Variants in KATNAL1 observed in about 807,000 individuals in gnomAD.
KATNAL1 encodes katanin p60 ATPase-containing subunit A-like 1.
KATNAL1 carries 32 observed loss-of-function variants against 55.2 expected under a neutral mutation model. The observed-to-expected ratio is 0.58, with a 90% CI of 0.44 to 0.78. The LOEUF (loss-of-function observed/expected upper bound fraction) is 0.78. Ranked by LOEUF, KATNAL1 falls within the 30% of genes least tolerant of loss-of-function variation. The probability of loss-of-function intolerance (pLI) is 0.00; values close to 1 mark genes in which losing one functional copy is unlikely to be tolerated. For missense variants in KATNAL1, 466 were observed against 600.9 expected, an observed-to-expected ratio of 0.78 and a Z score of 2.35; for synonymous variants, 193 against 193.6, an observed-to-expected ratio of 1.00 and a Z score of 0.02.
At chr13:30,288,900 G>T (rs913584174) in intron 1 of KATNAL1, among the ~76,000 whole-genome samples, 1 of 152,184 alleles carries the variant, frequency 6.6e-6, no homozygotes, top group African/African-American at 2.4e-5. Flanking sequence ...AAGATTACAT[G>T]ATAGATTCAA....
At chr13:30,232,950 T>C (rs1398607827) in intron 6 of KATNAL1, among the ~76,000 whole-genome samples, 1 of 152,106 alleles carries the variant, frequency 6.6e-6, no homozygotes, top group African/African-American at 2.4e-5. Flanking sequence ...AACATCAAAA[T>C]GGATTAAAGA....
chr13:30,245,975 C>A (rs11618584), intron 4 of KATNAL1, among the ~76,000 whole-genome samples: 1 of 151,990 alleles, frequency 6.6e-6, no homozygotes, highest in Non-Finnish European at 1.5e-5. Context: ...TACTGCCCAA[C>A]GTAATTTACA....
At chr13:30,241,841 G>A (rs192964695) in intron 4 of KATNAL1, among the ~76,000 whole-genome samples, 1 of 152,286 alleles carries the variant, frequency 6.6e-6, no homozygotes, top group Non-Finnish European at 1.5e-5. Flanking sequence ...TGGCTCCCTT[G>A]GACAGATGCT....
rs1491128746 is a variant in KATNAL1, at chr13:30,205,788, G to GTGTGTGTC, written c.*2751_*2752insGACACACA. 1 of 134,366 alleles carries GTGTGTGTC rather than the reference G, an allele frequency of 7.4e-6. No homozygotes were observed. The highest frequency in any genetic ancestry group is 3.0e-5 in the African/African-American group (1 of 33,144). The allele number at this position is 134,366 out of a possible 1,614,324, so 8.3% of individuals were successfully genotyped here. ...TGTGTGTGTGTGTGTGTGTGTGTGT[G>GTGTGTGTC]TCTCACGCCTATAAGGCAACACACT... On this transcript the variant is annotated 3_prime_UTR_variant, in exon 11 of 11. Transcript: ENST00000380615.
intron 3 of KATNAL1, among the ~76,000 whole-genome samples, chr13:30,268,984 C>T (rs1477950084): frequency 4.6e-5 from 7 of 152,112 alleles, no homozygotes; most frequent in African/African-American, 1.7e-4. Flanking sequence ...GTAACACACA[C>T]ACAATATAGT....
intron 6 of KATNAL1, among the ~76,000 whole-genome samples, chr13:30,235,376 C>A (rs1406808572): frequency 6.6e-6 from 1 of 152,144 alleles, no homozygotes; most frequent in Non-Finnish European, 1.5e-5. Flanking sequence ...GGGAAACAGC[C>A]AGTTCTCATG....
At chr13:30,238,164 G>T (rs536915651) in intron 6 of KATNAL1, among the ~76,000 whole-genome samples, 1 of 152,040 alleles carries the variant, frequency 6.6e-6, no homozygotes, top group African/African-American at 2.4e-5. Context: ...AAAAAGAATC[G>T]AACTCCTGGG....
chr13:30,307,010 AG>A (rs1883228379), intron 1 of KATNAL1: 1 of 82,018 alleles, frequency 1.2e-5, no homozygotes, highest in African/African-American at 5.6e-5. Flanking sequence ...AGACAAAGAG[AG>A]ATTTTTTTTT....
chr13:30,218,640 C>A (rs1566087223), intron 9 of KATNAL1, among the ~76,000 whole-genome samples: 1 of 152,140 alleles, frequency 6.6e-6, no homozygotes, highest in Non-Finnish European at 1.5e-5. Flanking sequence ...CATTACATAA[C>A]CTCCAAGGGT....
chr13:30,263,313 A>C (rs1410591172), intron 3 of KATNAL1, among the ~76,000 whole-genome samples: 1 of 152,132 alleles, frequency 6.6e-6, no homozygotes, highest in East Asian at 1.9e-4. Flanking sequence ...CGGGCACAAG[A>C]CAGGGATGCC....
intron 1 of KATNAL1, among the ~76,000 whole-genome samples, chr13:30,290,816 A>G (rs1311004733): frequency 6.6e-6 from 1 of 152,230 alleles, no homozygotes; most frequent in East Asian, 1.9e-4. Context: ...GGTTTATTTT[A>G]AAACCAATCA....
chr13:30,265,883 G>A (rs144000817), intron 3 of KATNAL1, among the ~76,000 whole-genome samples: 8 of 151,282 alleles, frequency 5.3e-5, no homozygotes, highest in Middle Eastern at 3.4e-3. Context: ...ATGGTGGCAC[G>A]TGCCTATAAT....
chr13:30,245,751 TACA>T (rs1877727120), intron 4 of KATNAL1, among the ~76,000 whole-genome samples: 1 of 151,992 alleles, frequency 6.6e-6, no homozygotes, highest in South Asian at 2.1e-4. Context: ...AGCATTCCTA[TACA>T]ACAATAATAG....
At chr13:30,269,231 G>A (rs1004468294) in intron 3 of KATNAL1, among the ~76,000 whole-genome samples, 35 of 152,356 alleles carry the variant, frequency 2.3e-4, no homozygotes, top group Non-Finnish European at 2.9e-5. Flanking sequence ...GCAGGCGCAC[G>A]CAGCCACGCC....
chr13:30,243,068 A>T (rs78123918), intron 4 of KATNAL1, among the ~76,000 whole-genome samples: 1,541 of 152,310 alleles, frequency 0.01, 23 homozygotes, highest in African/African-American at 0.034. Context: ...ACTAACTGCA[A>T]TGTCACTGAA....
intron 6 of KATNAL1, among the ~76,000 whole-genome samples, chr13:30,234,336 C>T (rs1233069058): frequency 6.6e-6 from 1 of 152,210 alleles, no homozygotes; most frequent in Non-Finnish European, 1.5e-5. Context: ...ATTTCTTCCT[C>T]ATAAGCTACC....
chr13:30,210,647 A>T, intron 9 of KATNAL1: 2 of 192,284 alleles, frequency 1.0e-5, no homozygotes, highest in East Asian at 8.0e-5. Flanking sequence ...GTAACTAAAA[A>T]TTGAAAAAAA....
At chr13:30,217,077 C>CG (rs1045710289) in intron 9 of KATNAL1, among the ~76,000 whole-genome samples, 9 of 143,014 alleles carry the variant, frequency 6.3e-5, no homozygotes, top group East Asian at 2.3e-4. Context: ...TGATTGGTGG[C>CG]GGGGGGGTGG....
At chr13:30,211,960 C>T (rs891675933) in intron 9 of KATNAL1, among the ~76,000 whole-genome samples, 1 of 152,084 alleles carries the variant, frequency 6.6e-6, no homozygotes, top group African/African-American at 2.4e-5. Flanking sequence ...TGGTTCAGGC[C>T]GTGAGGGGAA....
Sources: gnomAD v4.1 joint callset for allele counts (sites outside exome capture counted in the v4.1 genomes callset) on GRCh38, gnomAD v4.1.1 for gene constraint, MANE v1.5 for transcripts, NCBI Gene and HGNC (gene_info 2026-07-23, HGNC 2026-07-21) for gene names.